MAGI2: variants seen among roughly 807,000 people sequenced by gnomAD.
MAGI2 encodes the protein membrane associated guanylate kinase, WW and PDZ domain containing 2.
In MAGI2, 35 loss-of-function variants were observed where a neutral mutation model predicts 133.3. The observed-to-expected ratio is 0.26, with a 90% CI of 0.20 to 0.35. The LOEUF (loss-of-function observed/expected upper bound fraction) is 0.35, where lower values mean the gene tolerates loss of function less well. Ranked by LOEUF, MAGI2 falls within the 10% of genes least tolerant of loss-of-function variation. The pLI is 1.00. For synonymous variants in MAGI2, 729 were observed against 710.6 expected (o/e 1.03, Z -0.41); for missense variants, 1,636 against 1,863.4 (o/e 0.88, Z 2.25).
chr7:79,444,936 A>T lies in MAGI2; in HGVS notation c.301+8084T>A, dbSNP rs1848739622. ...ACTATATTACAAGGCTACAGTAACC[A>T]AAACAGCATGGTACTGGTACCAAAA... On this transcript the variant is annotated intron_variant, in intron 1 of 21. Transcript: ENST00000354212. Among the ~76,000 whole-genome samples the T allele has an allele frequency of 2.0e-5, 3 of 152,342 alleles. No homozygotes were observed. The South Asian group carries it at 6.2e-4, about 32-fold the overall frequency.
intron 2 of MAGI2, among the ~76,000 whole-genome samples, chr7:78,862,989 A>C (rs926664021): frequency 2.6e-5 from 4 of 152,238 alleles, no homozygotes; most frequent in African/African-American, 9.6e-5. Context: ...ACAAACTGTA[A>C]AGTGTTTGCA....
intron 1 of MAGI2, among the ~76,000 whole-genome samples, chr7:79,129,883 G>T (rs1286994073): frequency 2.0e-5 from 3 of 152,190 alleles, no homozygotes; most frequent in Non-Finnish European, 4.4e-5. Flanking sequence ...CACATTTCTT[G>T]TAAAACATCA....
At chr7:78,609,425 A>G (rs1806194276) in intron 3 of MAGI2, among the ~76,000 whole-genome samples, 1 of 152,250 alleles carries the variant, frequency 6.6e-6, no homozygotes, top group Non-Finnish European at 1.5e-5. Context: ...CATACAGTTA[A>G]CAAATACTAT....
At chr7:78,217,280 G>A (rs1788363257) in intron 10 of MAGI2, among the ~76,000 whole-genome samples, 1 of 152,100 alleles carries the variant, frequency 6.6e-6, no homozygotes, top group African/African-American at 2.4e-5. Context: ...TGGAATTCAG[G>A]TGCATGTTTC....
chr7:79,147,488 G>A (rs371172333), intron 1 of MAGI2, among the ~76,000 whole-genome samples: 39 of 152,250 alleles, frequency 2.6e-4, no homozygotes, highest in African/African-American at 9.4e-4. Flanking sequence ...GGGAACCAAT[G>A]CTGCCTCTCT....
intron 3 of MAGI2, among the ~76,000 whole-genome samples, chr7:78,542,435 AG>A (rs983900749): frequency 3.9e-5 from 6 of 152,248 alleles, no homozygotes; most frequent in African/African-American, 1.4e-4. Flanking sequence ...AGCCCAGAAA[AG>A]ACATCAAAAT....
chr7:79,390,414 A>C (rs1161970625), intron 1 of MAGI2, among the ~76,000 whole-genome samples: 1 of 152,250 alleles, frequency 6.6e-6, no homozygotes, highest in Non-Finnish European at 1.5e-5. Flanking sequence ...AAAAGAGTAA[A>C]TATTAAATAA....
At chr7:78,195,829 A>C (rs925856082) in intron 11 of MAGI2, among the ~76,000 whole-genome samples, 1 of 152,144 alleles carries the variant, frequency 6.6e-6, no homozygotes, top group African/African-American at 2.4e-5. Context: ...AGGAAGCCAG[A>C]CTCCCTGAGA....
chr7:79,427,003 C>T (rs1847419532), intron 1 of MAGI2, among the ~76,000 whole-genome samples: 1 of 152,096 alleles, frequency 6.6e-6, no homozygotes, highest in South Asian at 2.1e-4. Flanking sequence ...TGTCTGATTG[C>T]AGGGCTTTAT....
intron 4 of MAGI2, among the ~76,000 whole-genome samples, chr7:78,512,975 G>A (rs754218514): frequency 6.6e-6 from 1 of 152,118 alleles, no homozygotes; most frequent in African/African-American, 2.4e-5. Context: ...AATATCTAAA[G>A]ATATTTATCA....
chr7:78,298,599 G>A (rs754417256), intron 9 of MAGI2, among the ~76,000 whole-genome samples: 7 of 152,120 alleles, frequency 4.6e-5, no homozygotes, highest in Non-Finnish European at 8.8e-5. Context: ...TGCCTTCTGG[G>A]TTCAAACAAC....
chr7:79,410,250 G>A (rs372684994), intron 1 of MAGI2: 36 of 152,126 alleles, frequency 2.4e-4, no homozygotes, highest in African/African-American at 8.7e-4. Flanking sequence ...TGAAAATCTG[G>A]TAAGGCTAAA....
At chr7:78,340,628 C>T (rs1790271213) in intron 9 of MAGI2, among the ~76,000 whole-genome samples, 1 of 152,188 alleles carries the variant, frequency 6.6e-6, no homozygotes, top group Admixed American at 6.5e-5. Flanking sequence ...CAGCTTCATT[C>T]CTGGGATGCA....
intron 14 of MAGI2, among the ~76,000 whole-genome samples, chr7:78,177,300 C>T (rs1023278898): frequency 2.6e-5 from 4 of 152,114 alleles, no homozygotes; most frequent in African/African-American, 4.8e-5. Context: ...ATTTAAGACA[C>T]ATCTTTTACA....
intron 21 of MAGI2, among the ~76,000 whole-genome samples, chr7:78,038,176 A>C (rs1810431047): frequency 6.6e-6 from 1 of 152,124 alleles, no homozygotes; most frequent in Admixed American, 6.5e-5. Context: ...TGTCTTGTTC[A>C]CTGTTGCAAT....
intron 3 of MAGI2, among the ~76,000 whole-genome samples, chr7:78,603,956 TAAG>T (rs1474622896): frequency 7.9e-5 from 12 of 152,220 alleles, no homozygotes; most frequent in Non-Finnish European, 1.8e-4. Context: ...ATGGTCAGAA[TAAG>T]AAATTGTCCT....
chr7:78,811,480 T>C (rs1299491519), intron 2 of MAGI2, among the ~76,000 whole-genome samples: 2 of 152,074 alleles, frequency 1.3e-5, no homozygotes, highest in African/African-American at 4.8e-5. Flanking sequence ...ATTTTAATAA[T>C]GAATATGAAT....
chr7:78,169,247 A>T (rs1825895137), intron 14 of MAGI2, among the ~76,000 whole-genome samples: 2 of 152,196 alleles, frequency 1.3e-5, no homozygotes, highest in Non-Finnish European at 2.9e-5. Flanking sequence ...CCTATAAACA[A>T]TTTTTCAAAC....
intron 2 of MAGI2, among the ~76,000 whole-genome samples, chr7:79,004,589 C>T (rs1807245982): frequency 6.6e-6 from 1 of 151,994 alleles, no homozygotes; most frequent in African/African-American, 2.4e-5. Context: ...TTCAAAGTAG[C>T]TAAATGAAAT....
Sources: gnomAD v4.1 joint callset for allele counts (sites outside exome capture counted in the v4.1 genomes callset) on GRCh38, gnomAD v4.1.1 for gene constraint, MANE v1.5 for transcripts, NCBI Gene and HGNC (gene_info 2026-07-23, HGNC 2026-07-21) for gene names.